The following CENPL variants were observed in gnomAD, a reference collection of about 807,000 sequenced individuals.
CENPL encodes interphase centromere complex protein 33.
CENPL carries 20 observed loss-of-function variants against 35.2 expected under a neutral mutation model. That is an observed-to-expected ratio of 0.57 (90% CI 0.40 to 0.83). The LOEUF (loss-of-function observed/expected upper bound fraction) is 0.83. Among genes scored for constraint, CENPL ranks in the 40% least tolerant of loss-of-function variants. The pLI, the probability that CENPL is intolerant of heterozygous loss-of-function variation, is 0.00. For synonymous variants in CENPL, 140 were observed against 140.6 expected (o/e 1.00, Z 0.03); for missense variants, 363 against 395.8 (o/e 0.92, Z 0.70).
At chr1:173,818,957 G>A (rs941996732) in intron 2 of CENPL, among the ~76,000 whole-genome samples, 1 of 152,140 alleles carries the variant, frequency 6.6e-6, no homozygotes, top group Non-Finnish European at 1.5e-5. Context: ...AATTAGGGCC[G>A]GGCATGGTAG....
Position 173,800,013 on chromosome 1 carries a change from C to T in CENPL, c.*435G>A, listed in dbSNP as rs1649606445. ...TAGCTGGGATCATAGGCATGTGCCACCACGCCCAGCTAATTATTGTATTTT... is the reference window on the plus strand; with the variant it reads ...TAGCTGGGATCATAGGCATGTGCCATCACGCCCAGCTAATTATTGTATTTT... On this transcript the variant is annotated 3_prime_UTR_variant, in exon 6 of 6. Coordinates refer to ENST00000682279, the MANE Select transcript of CENPL (RefSeq NM_001387287.1). 6.5e-6 allele frequency: 1 copy of T among 152,702 alleles called. No individual in the cohort carries two copies. The highest frequency in any genetic ancestry group is 2.4e-5 in the African/African-American group (1 of 41,460). The allele number at this position is 152,702 out of a possible 1,614,324, so 9.5% of individuals were successfully genotyped here.
At chr1:173,815,924 A>G (rs1468803182) in intron 2 of CENPL, among the ~76,000 whole-genome samples, 3 of 152,224 alleles carry the variant, frequency 2.0e-5, no homozygotes, top group African/African-American at 7.2e-5. Flanking sequence ...ACATGACTGT[A>G]TATTTAGAAA....
intron 2 of CENPL, among the ~76,000 whole-genome samples, chr1:173,821,311 G>C (rs1284293994): frequency 6.6e-6 from 1 of 152,178 alleles, no homozygotes; most frequent in Non-Finnish European, 1.5e-5. Flanking sequence ...GAAGAGTCAG[G>C]ATTTGAATCC....
chr1:173,822,743 T>C (rs1652079478), intron 2 of CENPL: 1 of 152,162 alleles, frequency 6.6e-6, no homozygotes, highest in Admixed American at 6.5e-5. Context: ...AATTCTCACA[T>C]ATTTCTTTTT....
intron 2 of CENPL, among the ~76,000 whole-genome samples, chr1:173,813,952 A>T (rs1029661572): frequency 2.6e-5 from 4 of 152,202 alleles, no homozygotes; most frequent in Admixed American, 1.3e-4. Flanking sequence ...AGAGACACAC[A>T]TACGCTCAAA....
intron 2 of CENPL, 72 bp from the exon 3 acceptor site, chr1:173,811,378 C>T: frequency 9.5e-7 from 1 of 1,051,482 alleles, no homozygotes; most frequent in South Asian, 1.5e-5. Context: ...TTCACTGATT[C>T]CTCACTCTAA....
intron 5 of CENPL, 128 bp from the exon 6 acceptor site, chr1:173,800,647 A>C: frequency 3.7e-6 from 2 of 536,328 alleles, no homozygotes; most frequent in South Asian, 2.5e-5. Flanking sequence ...AGCTTACCAC[A>C]TGCAATACAC....
At position 173,800,423 on chromosome 1, in the gene CENPL, T is replaced by A; in HGVS notation, c.*25A>T. On this transcript the variant is annotated 3_prime_UTR_variant, in exon 6 of 6. Coordinates refer to ENST00000682279, the MANE Select transcript of CENPL (RefSeq NM_001387287.1). ...AAGTTATCAATAAGAGTATATAATC[T>A]ATAACTTATAGTCCACATAAGGCTT... 1.0e-6 allele frequency: 1 copy of A among 966,690 alleles called. No homozygotes were observed. The highest frequency in any genetic ancestry group is 1.7e-6 in the Non-Finnish European group (1 of 604,904). 59.9% of individuals were successfully genotyped at this position (966,690 alleles called of 1,614,324 possible). A position where few individuals can be genotyped will look rare whatever the true frequency, so the allele number is the denominator to read the frequency against.
At chr1:173,811,494 T>C (rs993595615) in intron 2 of CENPL, among the ~76,000 whole-genome samples, 188 bp from the exon 3 acceptor site, 12 of 152,252 alleles carry the variant, frequency 7.9e-5, no homozygotes, top group African/African-American at 2.7e-4. Context: ...ATGTATATCT[T>C]ACAGATACCT....
At chr1:173,815,896 T>C (rs1334246258) in intron 2 of CENPL, among the ~76,000 whole-genome samples, 1 of 152,200 alleles carries the variant, frequency 6.6e-6, no homozygotes, top group African/African-American at 2.4e-5. Flanking sequence ...GAAGTCAAAT[T>C]GTCCCTGTTT....
rs566101937 is a variant in CENPL, at chr1:173,813,486, A to T, written c.-7-2180T>A. Among the ~76,000 whole-genome samples the T allele has an allele frequency of 4.6e-5, 7 of 152,272 alleles. No individual in the cohort carries two copies. The South Asian group carries it at 1.5e-3, about 32-fold the overall frequency. ...GCTAACAGCGGATCTCTCGGCAGAA[A>T]CTCTACAAGCCAGAAGACAGTGGGG... On this transcript the variant is annotated intron_variant, in intron 2 of 5. Coordinates refer to ENST00000682279, the MANE Select transcript of CENPL (RefSeq NM_001387287.1).
intron 2 of CENPL, among the ~76,000 whole-genome samples, chr1:173,817,094 T>A (rs1487072012): frequency 6.6e-6 from 1 of 151,774 alleles, no homozygotes; most frequent in Non-Finnish European, 1.5e-5. Flanking sequence ...GCCAAAATCG[T>A]GCCCCTGCAC....
At chr1:173,818,764 C>T (rs985190628) in intron 2 of CENPL, among the ~76,000 whole-genome samples, 2 of 152,190 alleles carry the variant, frequency 1.3e-5, no homozygotes, top group Non-Finnish European at 2.9e-5. Flanking sequence ...AGCCCCTGTT[C>T]ATATACTTCC....
At chr1:173,812,713 TG>T (rs962105410) in intron 2 of CENPL, among the ~76,000 whole-genome samples, 7 of 152,142 alleles carry the variant, frequency 4.6e-5, no homozygotes, top group African/African-American at 1.4e-4. Context: ...ACCACAAAAA[TG>T]GGGAGAAACC....
intron 2 of CENPL, among the ~76,000 whole-genome samples, chr1:173,813,759 T>C (rs1244271204): frequency 1.3e-5 from 2 of 152,146 alleles, no homozygotes; most frequent in African/African-American, 4.8e-5. Context: ...AGGAAGAAAC[T>C]GCATCAACTA....
chr1:173,810,881 C>A (rs1234454129), intron 3 of CENPL, among the ~76,000 whole-genome samples: 2 of 152,154 alleles, frequency 1.3e-5, no homozygotes, highest in Non-Finnish European at 2.9e-5. Context: ...CGCGCCACTG[C>A]ACTCCAGCCT....
intron 2 of CENPL, among the ~76,000 whole-genome samples, chr1:173,821,000 C>T (rs1392123346): frequency 5.3e-5 from 8 of 152,138 alleles, no homozygotes; most frequent in Non-Finnish European, 1.2e-4. Context: ...CCAGACACCA[C>T]ACAATTTAAA....
At chr1:173,817,647 G>C (rs1040834626) in intron 2 of CENPL, among the ~76,000 whole-genome samples, 1 of 152,082 alleles carries the variant, frequency 6.6e-6, no homozygotes, top group Non-Finnish European at 1.5e-5. Context: ...CAGCGATCCC[G>C]TTACTGGGTA....
chr1:173,801,657 C>T (rs1184684602), intron 5 of CENPL, among the ~76,000 whole-genome samples: 1 of 151,688 alleles, frequency 6.6e-6, no homozygotes, highest in African/African-American at 2.4e-5. Context: ...CTCATCTCTA[C>T]TAAAAATACA....
Sources: gnomAD v4.1 joint callset for allele counts (sites outside exome capture counted in the v4.1 genomes callset) on GRCh38, gnomAD v4.1.1 for gene constraint, MANE v1.5 for transcripts, NCBI Gene and HGNC (gene_info 2026-07-23, HGNC 2026-07-21) for gene names.